Variants in CCDC73 observed in about 807,000 individuals in gnomAD.
CCDC73 encodes the protein coiled-coil domain containing 73, also known as coiled-coil domain-containing protein 73.
Under a neutral mutation model 116.5 loss-of-function variants are expected in CCDC73, and 95 were observed. That is an observed-to-expected ratio of 0.82 (90% CI 0.69 to 0.97). The LOEUF (loss-of-function observed/expected upper bound fraction) is 0.97, where lower values mean the gene tolerates loss of function less well. Among genes scored for constraint, CCDC73 ranks in the 50% least tolerant of loss-of-function variants. The probability of loss-of-function intolerance (pLI) is 0.00; values close to 1 mark genes in which losing one functional copy is unlikely to be tolerated. For missense variants in CCDC73, 1,066 were observed against 1,206.8 expected, an observed-to-expected ratio of 0.88 and a Z score of 1.73; for synonymous variants, 398 against 401.3, an observed-to-expected ratio of 0.99 and a Z score of 0.10.
At chr11:32,773,072 T>C (rs1200630042) in intron 1 of CCDC73, among the ~76,000 whole-genome samples, 2 of 152,160 alleles carry the variant, frequency 1.3e-5, no homozygotes, top group Non-Finnish European at 2.9e-5. Flanking sequence ...ATCTATAAAA[T>C]AGAATGTTAG....
In CCDC73 at chr11:32,760,216, A is replaced by T; in HGVS notation, c.28T>A (p.Ser10Thr). The change falls in exon 2 of 18, where the codon TCA becomes ACA. Residue 10 changes from serine to threonine, a missense_variant. Transcript: ENST00000335185. ...GAACTTTGAAGAGTAAAAGTAGATG[A>T]TGACTCAGTATTGAAGTTGCTTTCC... MESNFNTES[S>T]STFTLQSSSE... 5 of 1,581,170 alleles carry T rather than the reference A, an allele frequency of 3.2e-6. No homozygotes were observed. The highest frequency in any genetic ancestry group is 4.3e-6 in the Non-Finnish European group (5 of 1,158,304).
chr11:32,720,549 A>G (rs926056462), intron 2 of CCDC73, among the ~76,000 whole-genome samples: 6 of 152,092 alleles, frequency 3.9e-5, no homozygotes, highest in African/African-American at 1.4e-4. Context: ...AAATAAATAA[A>G]CAGATTGGAA....
At position 32,611,175 on chromosome 11, in the gene CCDC73, G is replaced by GCATT. The variant is rs1855419049; in HGVS notation, c.2983_2986dup (p.Ala996GlufsTer9). The GCATT allele has an allele frequency of 1.2e-6, 2 of 1,613,756 alleles. No individual in the cohort carries two copies. Among genetic ancestry groups the GCATT allele is most frequent in the African/African-American group, 2.7e-5 (2 of 75,036 alleles). ...GGAATCATAAAAAGTCTTTGCCATT[G>GCATT]CATTCTTCTCTTCACTGGGTTCTCC... On this transcript the variant is annotated frameshift_variant, in exon 17 of 18. Transcript: ENST00000335185. LOFTEE classifies it low-confidence loss of function (END_TRUNC).
the CCDC73 span, among the ~76,000 whole-genome samples, chr11:32,828,593 A>G: frequency 6.6e-6 from 1 of 152,050 alleles, no homozygotes; most frequent in African/African-American, 2.4e-5. Context: ...CCAAAGCATA[A>G]ATAGTGTTTC....
At chr11:32,770,916 A>G (rs1850488145) in intron 1 of CCDC73, among the ~76,000 whole-genome samples, 2 of 152,200 alleles carry the variant, frequency 1.3e-5, no homozygotes, top group Admixed American at 1.3e-4. Context: ...AAAAGTTTTC[A>G]CAGTAAGAAA....
In CCDC73 at chr11:32,614,356, C is replaced by T. The variant is rs546200331; in HGVS notation, c.1962G>A (p.Met654Ile). Residue 654 changes from methionine (M) to isoleucine (I), a missense_variant, in exon 16 of 18, where the codon ATG becomes ATA. Coordinates refer to ENST00000335185, the MANE Select transcript of CCDC73 (RefSeq NM_001008391.4). ...KYSLRNSSNV[M>I]LDDKQCKIKQ... ...TTATTTTACATTGTTTATCATCTAA[C>T]ATAACATTACTTGAATTCCGTAAAC... is the stretch of plus-strand genomic sequence containing the variant. 6.4e-5 allele frequency: 103 copies of T among 1,611,494 alleles called. 1 individual carries two copies. The South Asian group carries it at 1.1e-3, about 17-fold the overall frequency.
At chr11:32,717,210 C>T (rs921372379) in intron 3 of CCDC73, among the ~76,000 whole-genome samples, 4 of 152,156 alleles carry the variant, frequency 2.6e-5, no homozygotes, top group African/African-American at 9.7e-5. Flanking sequence ...ACAATGAGAA[C>T]AGAAATCAGC....
intron 13 of CCDC73, among the ~76,000 whole-genome samples, chr11:32,641,006 A>ACT: frequency 7.1e-6 from 1 of 141,132 alleles, no homozygotes; most frequent in Admixed American, 7.1e-5. Context: ...ACAGAGTGAG[A>ACT]CTCTGTCCCC....
At chr11:32,691,965 G>A (rs542662171) in intron 6 of CCDC73, among the ~76,000 whole-genome samples, 129 of 150,024 alleles carry the variant, frequency 8.6e-4, no homozygotes, top group African/African-American at 3.0e-3. Context: ...GGAGAATGGC[G>A]TGAACCCAGG....
chr11:32,782,743 T>C (rs1850594307), intron 1 of CCDC73, among the ~76,000 whole-genome samples: 1 of 152,092 alleles, frequency 6.6e-6, no homozygotes, highest in Admixed American at 6.6e-5. Flanking sequence ...GCATCAACTT[T>C]CTTATGAAGA....
intron 2 of CCDC73, chr11:32,758,331 CT>C (rs1850361189): frequency 2.0e-6 from 1 of 504,716 alleles, no homozygotes; most frequent in Non-Finnish European, 3.9e-6. Context: ...CAAAACTAGG[CT>C]GTCCCAAACC....
At chr11:32,631,946 T>C (rs1411124982) in intron 14 of CCDC73, among the ~76,000 whole-genome samples, 4 of 152,152 alleles carry the variant, frequency 2.6e-5, no homozygotes, top group Admixed American at 1.3e-4. Flanking sequence ...ATTTTAAGAT[T>C]TCTCTTGTGA....
chr11:32,732,032 C>T (rs1001717869), intron 2 of CCDC73, among the ~76,000 whole-genome samples: 11 of 152,096 alleles, frequency 7.2e-5, no homozygotes, highest in African/African-American at 2.2e-4. Flanking sequence ...AAAGATTGGA[C>T]GAATGGCTAA....
rs114575908 is a variant in CCDC73 at position 32,757,579 on chromosome 11, A to T, written c.135+2530T>A. Among the ~76,000 whole-genome samples the T allele has an allele frequency of 3.5e-3, 538 of 152,262 alleles. 6 individuals are homozygous for T. Among genetic ancestry groups the T allele is most frequent in the African/African-American group, 0.012 (519 of 41,566 alleles). Reference sequence around the variant, plus strand: ...TGCAGTTCTGGAGGTCAGAAGTCCAAGGTATCTGCAGGGCGGCATACCTTC... The same window carrying T: ...TGCAGTTCTGGAGGTCAGAAGTCCATGGTATCTGCAGGGCGGCATACCTTC... On this transcript the variant is annotated intron_variant, in intron 2 of 17. Coordinates refer to ENST00000335185, the MANE Select transcript of CCDC73 (RefSeq NM_001008391.4).
intron 7 of CCDC73, chr11:32,681,390 T>G (rs1338242406): frequency 6.6e-6 from 1 of 152,034 alleles, no homozygotes; most frequent in Non-Finnish European, 1.5e-5. Flanking sequence ...TCACATGTTT[T>G]TATTGCATCC....
intron 14 of CCDC73, among the ~76,000 whole-genome samples, chr11:32,621,158 A>T (rs1194985618): frequency 2.0e-5 from 3 of 152,218 alleles, no homozygotes; most frequent in African/African-American, 7.2e-5. Flanking sequence ...TCTTCACAGA[A>T]TTTGAAAAAA....
intron 6 of CCDC73, among the ~76,000 whole-genome samples, chr11:32,684,164 C>G (rs1856173117): frequency 6.6e-6 from 1 of 152,098 alleles, no homozygotes; most frequent in Non-Finnish European, 1.5e-5. Context: ...CCTCCTGCTA[C>G]CTCAGCCTCC....
intron 3 of CCDC73, among the ~76,000 whole-genome samples, chr11:32,713,621 T>C (rs1849920635): frequency 6.6e-6 from 1 of 152,076 alleles, no homozygotes; most frequent in East Asian, 1.9e-4. Flanking sequence ...GGCTCCAGAG[T>C]CTGAAGAAAA....
intron 14 of CCDC73, among the ~76,000 whole-genome samples, chr11:32,618,983 G>T (rs1361840242): frequency 6.6e-6 from 1 of 152,096 alleles, no homozygotes; most frequent in Middle Eastern, 3.2e-3. Flanking sequence ...GTCTTCTTTT[G>T]AGAGGTGTCT....
Sources: allele counts gnomAD v4.1 joint callset (sites outside exome capture counted in the v4.1 genomes callset), GRCh38; gene constraint gnomAD v4.1.1; transcripts MANE v1.5; gene names NCBI Gene and HGNC (gene_info 2026-07-23, HGNC 2026-07-21).